Variants in TMEM178B observed in about 807,000 individuals in gnomAD.
TMEM178B encodes transmembrane protein 178B.
TMEM178B carries 5 observed loss-of-function variants against 31.0 expected under a neutral mutation model. That is an observed-to-expected ratio of 0.16 (90% CI 0.08 to 0.34). The LOEUF is 0.34. Ranked by LOEUF, TMEM178B falls within the 10% of genes least tolerant of loss-of-function variation. The pLI is 1.00. For synonymous variants in TMEM178B, 164 were observed against 164.0 expected (o/e 1.00, Z 0.00); for missense variants, 275 against 400.3 (o/e 0.69, Z 2.67).
intron 2 of TMEM178B, among the ~76,000 whole-genome samples, chr7:141,428,300 G>A (rs557990379): frequency 1.3e-5 from 2 of 150,568 alleles, no homozygotes; most frequent in East Asian, 2.0e-4. Context: ...CCTGGGAGGC[G>A]GAGGTTGTGG....
chr7:141,173,875 C>T (rs1796385320), intron 1 of TMEM178B, among the ~76,000 whole-genome samples: 1 of 152,108 alleles, frequency 6.6e-6, no homozygotes, highest in Non-Finnish European at 1.5e-5. Context: ...GTGTTTTGTG[C>T]CAACTCAAGC....
intron 2 of TMEM178B, among the ~76,000 whole-genome samples, chr7:141,281,101 T>C (rs1018875095): frequency 8.5e-5 from 13 of 152,146 alleles, no homozygotes; most frequent in African/African-American, 3.1e-4. Context: ...GAAGGGCCTT[T>C]TTTTTTTGGA....
At chr7:141,233,451 C>T (rs1434683284) in intron 2 of TMEM178B, among the ~76,000 whole-genome samples, 1 of 152,186 alleles carries the variant, frequency 6.6e-6, no homozygotes, top group Non-Finnish European at 1.5e-5. Context: ...TCCATATTAA[C>T]CTTGGAAACC....
chr7:141,103,300 A>G (rs144311358), intron 1 of TMEM178B, among the ~76,000 whole-genome samples: 12 of 152,282 alleles, frequency 7.9e-5, no homozygotes, highest in Middle Eastern at 3.4e-3. Context: ...TAGTGGACAT[A>G]TATTGTCAGG....
chr7:141,358,204 T>A (rs1182840694), intron 2 of TMEM178B, among the ~76,000 whole-genome samples: 2 of 152,232 alleles, frequency 1.3e-5, no homozygotes, highest in East Asian at 1.9e-4. Flanking sequence ...TCAGGAAACA[T>A]CCTTTCTTAA....
At chr7:141,325,079 G>A (rs984113777) in intron 2 of TMEM178B, among the ~76,000 whole-genome samples, 1 of 152,132 alleles carries the variant, frequency 6.6e-6, no homozygotes, top group Non-Finnish European at 1.5e-5. Context: ...TAGTGATAAG[G>A]GAAGGAGGCC....
intron 1 of TMEM178B, among the ~76,000 whole-genome samples, chr7:141,081,526 C>T (rs1390167791): frequency 6.6e-5 from 10 of 151,914 alleles, no homozygotes; most frequent in Non-Finnish European, 1.5e-4. Context: ...ATCCCAGCTA[C>T]TTGGGAGGCT....
chr7:141,322,462 G>A (rs917784988), intron 2 of TMEM178B, among the ~76,000 whole-genome samples: 9 of 152,144 alleles, frequency 5.9e-5, no homozygotes, highest in African/African-American at 2.2e-4. Flanking sequence ...TTGATCCCGG[G>A]AGGTGGAGCT....
At chr7:141,302,463 A>G (rs1322685298) in intron 2 of TMEM178B, among the ~76,000 whole-genome samples, 1 of 152,212 alleles carries the variant, frequency 6.6e-6, no homozygotes, top group Non-Finnish European at 1.5e-5. Context: ...ATAAAAACAG[A>G]AAGTAGAATG....
At chr7:141,254,960 T>G (rs556244768) in intron 2 of TMEM178B, among the ~76,000 whole-genome samples, 2 of 152,332 alleles carry the variant, frequency 1.3e-5, no homozygotes, top group South Asian at 4.1e-4. Context: ...GAAAAGTTCC[T>G]TATCTCCCTT....
chr7:141,345,462 ACTAGTCT>A (rs1799602560), intron 2 of TMEM178B, among the ~76,000 whole-genome samples: 1 of 152,142 alleles, frequency 6.6e-6, no homozygotes, highest in South Asian at 2.1e-4. Flanking sequence ...TCGTTATAGT[ACTAGTCT>A]CTTTCTTTGC....
intron 2 of TMEM178B, among the ~76,000 whole-genome samples, chr7:141,342,862 GA>G (rs1799543107): frequency 6.6e-6 from 1 of 152,192 alleles, no homozygotes; most frequent in Admixed American, 6.5e-5. Flanking sequence ...TTCAAACCAT[GA>G]AGTTTTTGTG....
At chr7:141,081,145 C>T (rs904937863) in intron 1 of TMEM178B, among the ~76,000 whole-genome samples, 1 of 152,118 alleles carries the variant, frequency 6.6e-6, no homozygotes, top group Non-Finnish European at 1.5e-5. Context: ...GAGGTGACAG[C>T]TCCATGTGCA....
At chr7:141,093,011 T>G (rs1794904277) in intron 1 of TMEM178B, among the ~76,000 whole-genome samples, 1 of 152,130 alleles carries the variant, frequency 6.6e-6, no homozygotes, top group East Asian at 1.9e-4. Flanking sequence ...GTGAGGGGGC[T>G]TGTAGTCAGA....
chr7:141,493,668 C>A, the TMEM178B span, among the ~76,000 whole-genome samples: 7 of 152,190 alleles, frequency 4.6e-5, no homozygotes, highest in Non-Finnish European at 7.4e-5. Flanking sequence ...CTGACGTGAA[C>A]ATGAAGCAAG....
intron 1 of TMEM178B, among the ~76,000 whole-genome samples, chr7:141,150,773 A>G (rs1004531825): frequency 8.5e-5 from 13 of 152,258 alleles, no homozygotes; most frequent in African/African-American, 3.1e-4. Context: ...TCAGCCGACA[A>G]GACTGGAAGA....
intron 2 of TMEM178B, among the ~76,000 whole-genome samples, chr7:141,351,516 A>G (rs1450440623): frequency 3.9e-5 from 6 of 152,238 alleles, no homozygotes; most frequent in Non-Finnish European, 8.8e-5. Context: ...TCTGTTGCTC[A>G]AAGTAAGTCA....
At chr7:141,373,643 C>T (rs1032747280) in intron 2 of TMEM178B, among the ~76,000 whole-genome samples, 1 of 152,128 alleles carries the variant, frequency 6.6e-6, no homozygotes, top group Non-Finnish European at 1.5e-5. Context: ...AATACGGCCA[C>T]CCTCCACCCC....
At chr7:141,327,108 C>T (rs1799205002) in intron 2 of TMEM178B, among the ~76,000 whole-genome samples, 1 of 152,166 alleles carries the variant, frequency 6.6e-6, no homozygotes, top group Admixed American at 6.6e-5. Context: ...TCCCCAGGCT[C>T]TCTAGACTAA....
Sources: allele counts gnomAD v4.1 joint callset (sites outside exome capture counted in the v4.1 genomes callset), GRCh38; gene constraint gnomAD v4.1.1; transcripts MANE v1.5; gene names NCBI Gene and HGNC (gene_info 2026-07-23, HGNC 2026-07-21).